MACROD2: variants seen among roughly 807,000 people sequenced by gnomAD.
MACROD2 encodes mono-ADP ribosylhydrolase 2, also known as ADP-ribose glycohydrolase MACROD2.
In MACROD2, 36 loss-of-function variants were observed where a neutral mutation model predicts 70.4. The ratio of observed to expected loss-of-function variants is 0.51; its 90% CI spans 0.39 to 0.68. The LOEUF (loss-of-function observed/expected upper bound fraction) is 0.68. Among genes scored for constraint, MACROD2 ranks in the 30% least tolerant of loss-of-function variants. The pLI, the probability that MACROD2 is intolerant of heterozygous loss-of-function variation, is 0.00. For synonymous variants in MACROD2, 172 were observed against 178.8 expected (o/e 0.96, Z 0.30); for missense variants, 496 against 538.4 (o/e 0.92, Z 0.78).
intron 5 of MACROD2, among the ~76,000 whole-genome samples, chr20:15,054,413 C>T (rs1378723774): frequency 1.3e-5 from 2 of 152,088 alleles, no homozygotes; most frequent in African/African-American, 4.8e-5. Flanking sequence ...GCAGCCATCA[C>T]CATAGAGGCA....
chr20:15,916,388 A>G (rs2065316259), intron 10 of MACROD2, among the ~76,000 whole-genome samples: 1 of 152,186 alleles, frequency 6.6e-6, no homozygotes, highest in South Asian at 2.1e-4. Context: ...CCTAATCTCA[A>G]AAAGGACATA....
intron 5 of MACROD2, among the ~76,000 whole-genome samples, chr20:14,976,563 C>G (rs1170952680): frequency 1.3e-5 from 2 of 152,144 alleles, no homozygotes; most frequent in African/African-American, 4.8e-5. Flanking sequence ...TGCAGTGTCC[C>G]TTTCGCATAT....
intron 5 of MACROD2, among the ~76,000 whole-genome samples, chr20:14,995,340 A>G (rs2074940256): frequency 1.3e-5 from 2 of 152,150 alleles, no homozygotes; most frequent in South Asian, 4.1e-4. Context: ...ATGAAAAATT[A>G]GACGTAAGAT....
intron 3 of MACROD2, chr20:14,323,724 G>A (rs1036474428): frequency 1.3e-5 from 2 of 152,112 alleles, no homozygotes; most frequent in African/African-American, 4.8e-5. Context: ...GATTTTAGGA[G>A]TTGTATGCCA....
chr20:15,219,246 T>C (rs1459100311), intron 5 of MACROD2, among the ~76,000 whole-genome samples: 1 of 152,208 alleles, frequency 6.6e-6, no homozygotes, highest in African/African-American at 2.4e-5. Context: ...GAAGCTATAA[T>C]GTAGCAGTTC....
chr20:14,766,609 C>G (rs1362437192), intron 5 of MACROD2, among the ~76,000 whole-genome samples: 2 of 152,110 alleles, frequency 1.3e-5, no homozygotes, highest in African/African-American at 4.8e-5. Flanking sequence ...TGAGGCATAT[C>G]TCCAGTTAAT....
At chr20:14,747,338 G>C (rs1482948801) in intron 5 of MACROD2, among the ~76,000 whole-genome samples, 1 of 152,138 alleles carries the variant, frequency 6.6e-6, no homozygotes, top group Non-Finnish European at 1.5e-5. Context: ...ATGTAATAGA[G>C]CTTAAGCATC....
chr20:14,271,041 G>C (rs2082189649), intron 3 of MACROD2, among the ~76,000 whole-genome samples: 1 of 152,220 alleles, frequency 6.6e-6, no homozygotes, highest in Non-Finnish European at 1.5e-5. Context: ...GCCTGCCTCT[G>C]TAGGCTCCAC....
intron 3 of MACROD2, among the ~76,000 whole-genome samples, chr20:14,134,906 A>T (rs2148702027): frequency 6.6e-6 from 1 of 152,156 alleles, no homozygotes; most frequent in African/African-American, 2.4e-5. Context: ...ATAACTTATA[A>T]CCATGAAGCT....
intron 8 of MACROD2, among the ~76,000 whole-genome samples, chr20:15,607,410 G>C (rs772366251): frequency 6.6e-6 from 1 of 152,230 alleles, no homozygotes; most frequent in Admixed American, 6.5e-5. Context: ...TGACCCAAGA[G>C]CTTGATACTT....
chr20:14,666,848 T>C (rs1447823656), intron 4 of MACROD2, among the ~76,000 whole-genome samples: 2 of 151,926 alleles, frequency 1.3e-5, no homozygotes, highest in East Asian at 3.9e-4. Context: ...GTAGATTTAA[T>C]AGGTTCCCCA....
intron 5 of MACROD2, among the ~76,000 whole-genome samples, chr20:15,167,178 A>T (rs1232024163): frequency 2.0e-5 from 3 of 152,168 alleles, no homozygotes; most frequent in East Asian, 1.9e-4. Flanking sequence ...TACCAAAAAA[A>T]GTGTAAACAG....
intron 15 of MACROD2, among the ~76,000 whole-genome samples, chr20:15,987,568 C>A (rs921761128): frequency 6.6e-6 from 1 of 151,982 alleles, no homozygotes; most frequent in African/African-American, 2.4e-5. Flanking sequence ...ATGAAAGAAA[C>A]AATTTATGTA....
At chr20:15,983,665 A>G (rs986798691) in intron 13 of MACROD2, among the ~76,000 whole-genome samples, 2 of 152,302 alleles carry the variant, frequency 1.3e-5, no homozygotes, top group East Asian at 3.9e-4. Flanking sequence ...GTAGAATCTC[A>G]GAAAAGAGCT....
chr20:15,738,116 T>C (rs1180699805), intron 8 of MACROD2, among the ~76,000 whole-genome samples: 2 of 152,094 alleles, frequency 1.3e-5, no homozygotes, highest in Non-Finnish European at 2.9e-5. Context: ...GTGAATAAAA[T>C]CTAGTAGTAT....
chr20:15,254,075 C>T (rs945804549), intron 6 of MACROD2, among the ~76,000 whole-genome samples: 1 of 152,078 alleles, frequency 6.6e-6, no homozygotes, highest in African/African-American at 2.4e-5. Flanking sequence ...TGGTTAGTTC[C>T]AACTTAGGGG....
At chr20:15,393,561 A>T (rs1391855855) in intron 6 of MACROD2, among the ~76,000 whole-genome samples, 1 of 151,424 alleles carries the variant, frequency 6.6e-6, no homozygotes, top group African/African-American at 2.4e-5. Flanking sequence ...CCCCACACCA[A>T]CTGTTGAGGC....
chr20:14,987,424 A>C (rs746143305), intron 5 of MACROD2, among the ~76,000 whole-genome samples: 4 of 152,192 alleles, frequency 2.6e-5, no homozygotes, highest in Admixed American at 6.6e-5. Flanking sequence ...ACTTGTTCAC[A>C]TACCTTTTTT....
chr20:15,223,219 AG>A (rs2076876926), intron 5 of MACROD2, among the ~76,000 whole-genome samples: 1 of 152,256 alleles, frequency 6.6e-6, no homozygotes, highest in Admixed American at 6.5e-5. Flanking sequence ...TAGCTCTTCA[AG>A]AGGTTGCATT....
Sources: gnomAD v4.1 joint callset for allele counts (sites outside exome capture counted in the v4.1 genomes callset) on GRCh38, gnomAD v4.1.1 for gene constraint, MANE v1.5 for transcripts, NCBI Gene and HGNC (gene_info 2026-07-23, HGNC 2026-07-21) for gene names.